The following CNTN6 variants were observed in gnomAD, a reference collection of about 807,000 sequenced individuals.
CNTN6 encodes the protein contactin 6.
In CNTN6, 137 loss-of-function variants were observed where a neutral mutation model predicts 122.8. The ratio of observed to expected loss-of-function variants is 1.12; its 90% confidence interval spans 0.97 to 1.29. The LOEUF is 1.29. Among genes scored for constraint, CNTN6 ranks in the 50% most tolerant of loss-of-function variants. The pLI is 0.00. For missense variants in CNTN6, 1,634 were observed against 1,223.4 expected (o/e 1.34, Z -5.01); for synonymous variants, 570 against 426.0 (o/e 1.34, Z -4.16).
intron 12 of CNTN6, among the ~76,000 whole-genome samples, chr3:1,362,544 T>G (rs900548647): frequency 2.0e-5 from 3 of 151,920 alleles, no homozygotes; most frequent in Non-Finnish European, 4.4e-5. Context: ...AACACAAGGA[T>G]AGCTATAACA....
intron 2 of CNTN6, among the ~76,000 whole-genome samples, chr3:1,166,207 T>A (rs1410092230): frequency 6.6e-6 from 1 of 151,886 alleles, no homozygotes; most frequent in Non-Finnish European, 1.5e-5. Context: ...CAGTAAGGAG[T>A]TATCGTGGGA....
At chr3:1,302,097 TAAA>T (rs1469756216) in intron 7 of CNTN6, among the ~76,000 whole-genome samples, 1 of 152,108 alleles carries the variant, frequency 6.6e-6, no homozygotes, top group African/African-American at 2.4e-5. Flanking sequence ...AATCTGAAAA[TAAA>T]AAGTCAAACG....
intron 17 of CNTN6, 122 bp downstream of exon 17, chr3:1,377,197 T>C (rs1709998268): frequency 5.1e-6 from 3 of 589,604 alleles, no homozygotes; most frequent in Non-Finnish European, 8.6e-6. Context: ...GGTATAAAAA[T>C]ACATCATCCT....
At chr3:1,140,893 AT>A (rs1163245351) in intron 1 of CNTN6, among the ~76,000 whole-genome samples, 1 of 152,138 alleles carries the variant, frequency 6.6e-6, no homozygotes, top group African/African-American at 2.4e-5. Flanking sequence ...ATGGCTGCCT[AT>A]TTTGAGAGCT....
intron 20 of CNTN6, among the ~76,000 whole-genome samples, chr3:1,391,008 T>C (rs1374149905): frequency 1.6e-5 from 2 of 126,580 alleles, no homozygotes; most frequent in African/African-American, 6.1e-5. Flanking sequence ...CTTCTGAAAC[T>C]ATTCCAATCA....
intron 11 of CNTN6, among the ~76,000 whole-genome samples, chr3:1,337,642 T>A (rs1703263208): frequency 6.6e-6 from 1 of 152,124 alleles, no homozygotes; most frequent in Non-Finnish European, 1.5e-5. Context: ...TTCCCCTGTT[T>A]AAGGAAGAAT....
chr3:1,160,502 A>G (rs1240512768), intron 2 of CNTN6, among the ~76,000 whole-genome samples: 1 of 151,338 alleles, frequency 6.6e-6, no homozygotes, highest in African/African-American at 2.4e-5. Context: ...TGGGTAGTAC[A>G]TTATTCCATT....
At chr3:1,095,802 C>G (rs2090497190) in intron 1 of CNTN6, among the ~76,000 whole-genome samples, 1 of 152,182 alleles carries the variant, frequency 6.6e-6, no homozygotes, top group Admixed American at 6.5e-5. Context: ...TCAATTTAAA[C>G]TACATCAGTT....
At chr3:1,327,878 G>A (rs1198775570) in intron 10 of CNTN6, among the ~76,000 whole-genome samples, 2 of 151,566 alleles carry the variant, frequency 1.3e-5, no homozygotes, top group Non-Finnish European at 2.9e-5. Context: ...AATATCTTTA[G>A]GAATATTTTC....
At chr3:1,182,556 G>A (rs2093570374) in intron 2 of CNTN6, among the ~76,000 whole-genome samples, 1 of 150,650 alleles carries the variant, frequency 6.6e-6, no homozygotes, top group Admixed American at 6.6e-5. Flanking sequence ...TCGGCATTCT[G>A]TATTAAGAAA....
At chr3:1,340,659 C>T (rs935770326) in intron 11 of CNTN6, among the ~76,000 whole-genome samples, 1 of 152,084 alleles carries the variant, frequency 6.6e-6, no homozygotes, top group Non-Finnish European at 1.5e-5. Context: ...CCAGGTTGGT[C>T]CCCTATTCTC....
intron 4 of CNTN6, among the ~76,000 whole-genome samples, chr3:1,236,828 C>G (rs1201346444): frequency 6.6e-6 from 1 of 152,114 alleles, no homozygotes; most frequent in Non-Finnish European, 1.5e-5. Flanking sequence ...CGCCTGTAAT[C>G]CCAGCACTTT....
intron 16 of CNTN6, among the ~76,000 whole-genome samples, chr3:1,375,279 T>C (rs539232779): frequency 2.7e-3 from 418 of 152,160 alleles, no homozygotes; most frequent in Middle Eastern, 6.8e-3. Context: ...TACATTTTCA[T>C]AGCAAAGTTT....
At chr3:1,198,083 T>C (rs1168840189) in intron 2 of CNTN6, among the ~76,000 whole-genome samples, 1 of 152,184 alleles carries the variant, frequency 6.6e-6, no homozygotes, top group Non-Finnish European at 1.5e-5. Context: ...TAAGAGATGC[T>C]GGAGGGCAGA....
At chr3:1,261,686 A>G (rs1023705735) in intron 4 of CNTN6, among the ~76,000 whole-genome samples, 6 of 152,208 alleles carry the variant, frequency 3.9e-5, no homozygotes. Flanking sequence ...TTGAACAGAT[A>G]TATGGGATAT....
At chr3:1,264,358 T>C (rs893255295) in intron 4 of CNTN6, among the ~76,000 whole-genome samples, 1 of 152,184 alleles carries the variant, frequency 6.6e-6, no homozygotes, top group Non-Finnish European at 1.5e-5. Flanking sequence ...TTTAAATTAC[T>C]GTTATAGCAA....
At chr3:1,335,996 G>T (rs533247776) in intron 11 of CNTN6, among the ~76,000 whole-genome samples, 3 of 151,962 alleles carry the variant, frequency 2.0e-5, no homozygotes, top group Non-Finnish European at 4.4e-5. Flanking sequence ...GCTGCAGTGA[G>T]CCATGATTGT....
intron 20 of CNTN6, among the ~76,000 whole-genome samples, chr3:1,392,403 A>G (rs1399005906): frequency 1.3e-5 from 2 of 152,204 alleles, no homozygotes; most frequent in Non-Finnish European, 2.9e-5. Context: ...ACAAAAATCA[A>G]TTCAAGATGG....
At chr3:1,320,822 T>C (rs562392048) in intron 7 of CNTN6, among the ~76,000 whole-genome samples, 1 of 151,826 alleles carries the variant, frequency 6.6e-6, no homozygotes, top group East Asian at 1.9e-4. Context: ...CATCCCTTAT[T>C]GTTAAACACT....
Sources: allele counts gnomAD v4.1 joint callset (sites outside exome capture counted in the v4.1 genomes callset), GRCh38; gene constraint gnomAD v4.1.1; transcripts MANE v1.5; gene names NCBI Gene and HGNC (gene_info 2026-07-23, HGNC 2026-07-21).